Variants in ADI1 observed in about 807,000 individuals in gnomAD.
ADI1 encodes acireductone dioxygenase 1, also known as acireductone dioxygenase.
Under a neutral mutation model 18.7 loss-of-function variants are expected in ADI1, and 21 were observed. That is an observed-to-expected ratio of 1.13 (90% CI 0.80 to 1.62). The LOEUF is 1.62. ADI1 is among the 40% of genes most tolerant of loss of function. The pLI, the probability that ADI1 is intolerant of heterozygous loss-of-function variation, is 0.00. For synonymous variants in ADI1, 90 were observed against 100.1 expected, an observed-to-expected ratio of 0.90 and a Z score of 0.60; for missense variants, 245 against 254.9, an observed-to-expected ratio of 0.96 and a Z score of 0.26.
chr2:3,508,764 TGTG>T (rs1449954152), intron 2 of ADI1, among the ~76,000 whole-genome samples: 1 of 151,962 alleles, frequency 6.6e-6, no homozygotes, highest in Non-Finnish European at 1.5e-5. Context: ...ATTAGCCAGT[TGTG>T]GTGGTGTGCA....
intron 2 of ADI1, among the ~76,000 whole-genome samples, chr2:3,504,843 CATTGTTGGTTCACCTGCGTATGTTTGT>C (rs1250685100): frequency 2.7e-5 from 4 of 146,004 alleles, no homozygotes; most frequent in African/African-American, 1.0e-4. Context: ...TGTATGTCTG[CATTGTTGGTTCACCTGCGTATGTTTGT>C]ATTGTCGGTT....
chr2:3,500,043 C>T (rs1263659475), intron 3 of ADI1, among the ~76,000 whole-genome samples: 8 of 147,214 alleles, frequency 5.4e-5, no homozygotes, highest in South Asian at 2.1e-4. Flanking sequence ...CCAGCCTGGG[C>T]GACAAAGTGA....
At chr2:3,510,027 C>T (rs1667264056) in intron 2 of ADI1, among the ~76,000 whole-genome samples, 1 of 151,654 alleles carries the variant, frequency 6.6e-6, no homozygotes, top group Non-Finnish European at 1.5e-5. Context: ...TCTGTAATCC[C>T]AGCTACTCAG....
chr2:3,500,147 G>A (rs1666961526), intron 3 of ADI1, among the ~76,000 whole-genome samples: 1 of 152,038 alleles, frequency 6.6e-6, no homozygotes, highest in Admixed American at 6.6e-5. Context: ...TTTTTTAGTG[G>A]AATACTGGTT....
intron 1 of ADI1, chr2:3,516,318 C>G (rs1667408432): frequency 6.5e-6 from 1 of 152,922 alleles, no homozygotes; most frequent in Non-Finnish European, 1.5e-5. Context: ...CCCATCTCTA[C>G]TAAAAATACA....
chr2:3,502,586 G>C (rs1175455277), intron 2 of ADI1, among the ~76,000 whole-genome samples: 2 of 151,814 alleles, frequency 1.3e-5, no homozygotes, highest in African/African-American at 2.4e-5. Flanking sequence ...CAAGTAGCTG[G>C]GGTCACAGGC....
rs1372998161 is a variant in ADI1 at position 3,519,412 on chromosome 2, C to T, written c.76G>A (p.Val26Met). 1.4e-6 allele frequency: 2 copies of T among 1,394,072 alleles called. No homozygotes were observed. Among genetic ancestry groups the T allele is most frequent in the Admixed American group, 3.5e-5 (1 of 28,240 alleles). 86.4% of individuals were successfully genotyped at this position (1,394,072 alleles called of 1,614,324 possible). A position where few individuals can be genotyped will look rare whatever the true frequency, so the allele number is the denominator to read the frequency against. The change falls in exon 1 of 4, where the codon GTG (valine) becomes ATG (methionine). Residue 26 changes from valine to methionine, a missense_variant. Physicochemically the swap from Val to Met is conservative, Grantham distance 21. Transcript: ENST00000327435. ...AGCCGCCGCAGCTGCTCCAGGCCCA[C>T]TGGGCGGCCGGGGTCGGGGCGGTGG... ...QPHRPDPGRP[V>M]GLEQLRRLGV...
intron 2 of ADI1, among the ~76,000 whole-genome samples, chr2:3,512,000 G>C (rs941845696): frequency 6.6e-6 from 1 of 152,248 alleles, no homozygotes. Context: ...AAGCACCAAA[G>C]TGTTCAAGAT....
chr2:3,516,791 A>G (rs1667418930), intron 1 of ADI1: 9 of 985,436 alleles, frequency 9.1e-6, no homozygotes, highest in Non-Finnish European at 9.6e-6. Flanking sequence ...TTAGAACTCT[A>G]TGTCACTAAT....
At chr2:3,499,212 TTAACAA>T in intron 3 of ADI1, 130 bp from the exon 4 acceptor site, 1 of 1,402,976 alleles carries the variant, frequency 7.1e-7, no homozygotes, top group Non-Finnish European at 9.4e-7. Context: ...TTCTGCGTCT[TTAACAA>T]TTTAGGCCAC....
intron 2 of ADI1, among the ~76,000 whole-genome samples, chr2:3,513,078 C>G (rs926426881): frequency 6.6e-6 from 1 of 152,164 alleles, no homozygotes; most frequent in Non-Finnish European, 1.5e-5. Flanking sequence ...TCCTGTAGCT[C>G]CTTTCTTTTG....
At chr2:3,503,336 T>C (rs1251268493) in intron 2 of ADI1, among the ~76,000 whole-genome samples, 2 of 133,452 alleles carry the variant, frequency 1.5e-5, no homozygotes, top group African/African-American at 2.9e-5. Context: ...CATGCACACA[T>C]ACACACGTAC....
Position 3,499,074 on chromosome 2 carries a change from C to T in ADI1, c.429G>A (p.Thr143=), listed in dbSNP as rs766324518. The change falls in exon 4 of 4, where the codon ACG becomes ACA. Residue 143 remains threonine (T), a synonymous_variant. Transcript: ENST00000327435. The part of the protein sequence containing the change: ...HRFTVDEKNY[T]KAMRLFVGEP... ...CTCCCACAAACAGCCGCATGGCCTT[C>T]GTGTAGTTCTGGAAAACAGACAAAC... The T allele has an allele frequency of 2.3e-5, 37 of 1,613,482 alleles. No individual in the cohort carries two copies. The highest frequency in any genetic ancestry group is 4.0e-5 in the African/African-American group (3 of 74,920).
chr2:3,516,141 G>C, intron 1 of ADI1: 1 of 787,804 alleles, frequency 1.3e-6, no homozygotes. Flanking sequence ...TTTAGGATGT[G>C]ATTAAGTCAT....
At chr2:3,515,794 G>C in intron 1 of ADI1, 1 of 667,804 alleles carries the variant, frequency 1.5e-6, no homozygotes, top group Non-Finnish European at 1.9e-6. Context: ...TGGCGGCCCA[G>C]CTGTAAAATT....
rs575321674 is a variant in ADI1 at position 3,504,900 on chromosome 2, T to G, written c.241-3907A>C. 2.8e-4 allele frequency among the ~76,000 whole-genome samples: 42 copies of G among 152,314 alleles called. 1 individual carries two copies. The highest frequency in any genetic ancestry group is 8.2e-4 in the African/African-American group (34 of 41,546). ...TCGGTTCACCTGCGTATGTTTGCGTTGTTGGTTCACCTGAGTATGTTTGCA... is the reference window on the plus strand; with the variant it reads ...TCGGTTCACCTGCGTATGTTTGCGTGGTTGGTTCACCTGAGTATGTTTGCA... On this transcript the variant is annotated intron_variant, in intron 2 of 3. Coordinates refer to ENST00000327435, the MANE Select transcript of ADI1 (RefSeq NM_018269.4).
chr2:3,503,288 C>A (rs1240206099), intron 2 of ADI1, among the ~76,000 whole-genome samples: 1 of 136,712 alleles, frequency 7.3e-6, no homozygotes, highest in Non-Finnish European at 1.5e-5. Flanking sequence ...TGCATTCACA[C>A]ACATGCACAC....
At chr2:3,500,787 C>T in intron 3 of ADI1, 27 bp downstream of exon 3, 1 of 1,612,892 alleles carries the variant, frequency 6.2e-7, no homozygotes, top group Non-Finnish European at 8.5e-7. Context: ...ACAGGCCGGG[C>T]CTGGGGAGAA....
intron 2 of ADI1, among the ~76,000 whole-genome samples, chr2:3,501,565 G>A (rs376003294): frequency 3.3e-5 from 5 of 151,828 alleles, no homozygotes; most frequent in East Asian, 1.9e-4. Context: ...GTGGAGTCTC[G>A]CTCTGTTGCC....
Sources: allele counts gnomAD v4.1 joint callset (sites outside exome capture counted in the v4.1 genomes callset), GRCh38; gene constraint gnomAD v4.1.1; transcripts MANE v1.5; gene names NCBI Gene and HGNC (gene_info 2026-07-23, HGNC 2026-07-21).